ZFHX3: variants seen among roughly 807,000 people sequenced by gnomAD.
ZFHX3 encodes the protein zinc finger homeobox 3.
A neutral mutation model predicts 279.1 loss-of-function variants in ZFHX3; 42 were observed. That is an observed-to-expected ratio of 0.15 (90% CI 0.12 to 0.19). ZFHX3 has a LOEUF of 0.19. Among genes scored for constraint, ZFHX3 ranks in the 10% least tolerant of loss-of-function variants. The pLI is 1.00. For missense variants in ZFHX3, 4,981 were observed against 4,754.0 expected, an observed-to-expected ratio of 1.05 and a Z score of -1.40; for synonymous variants, 2,293 against 1,957.8, an observed-to-expected ratio of 1.17 and a Z score of -4.52.
chr16:72,994,484 C>G (rs1335285459), intron 1 of ZFHX3, among the ~76,000 whole-genome samples: 3 of 152,194 alleles, frequency 2.0e-5, no homozygotes, highest in African/African-American at 7.2e-5. Flanking sequence ...ACCAATGGGA[C>G]TTAGAGTGCA....
At chr16:72,842,120 G>A (rs1168493278) in intron 4 of ZFHX3, among the ~76,000 whole-genome samples, 1 of 152,214 alleles carries the variant, frequency 6.6e-6, no homozygotes, top group Non-Finnish European at 1.5e-5. Flanking sequence ...TGTACACACT[G>A]CAGTTGGCGG....
intron 1 of ZFHX3, among the ~76,000 whole-genome samples, chr16:73,722,684 A>G (rs1300605657): frequency 6.6e-6 from 1 of 152,224 alleles, no homozygotes; most frequent in Admixed American, 6.5e-5. Context: ...GATATAAACC[A>G]TGACACATTT....
At chr16:73,156,484 C>T (rs1967088352) in intron 5 of ZFHX3, among the ~76,000 whole-genome samples, 1 of 152,200 alleles carries the variant, frequency 6.6e-6, no homozygotes, top group Non-Finnish European at 1.5e-5. Context: ...AAGAAGACAT[C>T]TCCCAAACAG....
chr16:72,887,041 A>C (rs2038643779), intron 4 of ZFHX3, among the ~76,000 whole-genome samples: 1 of 152,252 alleles, frequency 6.6e-6, no homozygotes, highest in South Asian at 2.1e-4. Context: ...CCCTTTCCTG[A>C]ACAAACAATT....
intron 4 of ZFHX3, among the ~76,000 whole-genome samples, chr16:72,873,529 G>C (rs1418068429): frequency 6.6e-6 from 1 of 152,080 alleles, no homozygotes; most frequent in Non-Finnish European, 1.5e-5. Flanking sequence ...TTATCACTAC[G>C]TGTTTATAGA....
At chr16:73,635,216 T>C (rs1203750677) in intron 2 of ZFHX3, among the ~76,000 whole-genome samples, 1 of 152,186 alleles carries the variant, frequency 6.6e-6, no homozygotes, top group Non-Finnish European at 1.5e-5. Context: ...ATGGTATAAT[T>C]ACAAAGGGAA....
chr16:73,688,729 T>C (rs946387668), intron 1 of ZFHX3, among the ~76,000 whole-genome samples: 8 of 152,190 alleles, frequency 5.3e-5, no homozygotes, highest in Non-Finnish European at 7.3e-5. Context: ...TCATCTTGAA[T>C]TGCAGCCCCC....
chr16:73,505,416 AC>A, intron 2 of ZFHX3, among the ~76,000 whole-genome samples: 1 of 151,674 alleles, frequency 6.6e-6, no homozygotes, highest in South Asian at 2.1e-4. Context: ...CTTTCCCCCT[AC>A]CCCCTTCAAT....
At chr16:72,789,130 C>G (rs2035592410) in intron 9 of ZFHX3, 1 of 351,372 alleles carries the variant, frequency 2.8e-6, no homozygotes, top group African/African-American at 2.1e-5. Context: ...ACCTTGTATT[C>G]TAATGAGGAC....
chr16:73,347,029 A>T (rs1246181875), intron 3 of ZFHX3, among the ~76,000 whole-genome samples: 1 of 152,234 alleles, frequency 6.6e-6, no homozygotes, highest in East Asian at 1.9e-4. Flanking sequence ...CCATAAAATA[A>T]CCAGCAAGGA....
At chr16:73,256,802 G>A (rs943003529) in intron 5 of ZFHX3, among the ~76,000 whole-genome samples, 26 of 152,108 alleles carry the variant, frequency 1.7e-4, no homozygotes, top group African/African-American at 5.3e-4. Flanking sequence ...TAATCATAGT[G>A]CCCTTTGTAC....
chr16:73,216,719 C>T (rs561184197), intron 5 of ZFHX3, among the ~76,000 whole-genome samples: 6 of 151,828 alleles, frequency 4.0e-5, no homozygotes, highest in African/African-American at 7.3e-5. Flanking sequence ...GCTGAGATCG[C>T]GCCACTGCAC....
At chr16:73,451,001 C>T (rs572712563) in intron 3 of ZFHX3, among the ~76,000 whole-genome samples, 7 of 152,286 alleles carry the variant, frequency 4.6e-5, no homozygotes, top group South Asian at 2.1e-4. Context: ...AATGGGAAGA[C>T]GGATCTTTAA....
intron 3 of ZFHX3, among the ~76,000 whole-genome samples, chr16:73,416,592 G>T (rs1053672192): frequency 1.3e-5 from 2 of 152,186 alleles, no homozygotes; most frequent in African/African-American, 4.8e-5. Context: ...TTGAGAAGTC[G>T]GCCGGACGCG....
intron 2 of ZFHX3, among the ~76,000 whole-genome samples, chr16:73,543,689 A>AT (rs1158664592): frequency 6.6e-6 from 1 of 151,178 alleles, no homozygotes; most frequent in Non-Finnish European, 1.5e-5. Context: ...TTTCTTTTCC[A>AT]TTTTTTTCCT....
intron 5 of ZFHX3, among the ~76,000 whole-genome samples, chr16:73,221,094 G>T (rs1352033673): frequency 6.6e-6 from 1 of 152,134 alleles, no homozygotes; most frequent in Admixed American, 6.5e-5. Flanking sequence ...GGGAAGCATA[G>T]CATAACCGTA....
At chr16:73,278,590 T>C (rs12103166) in intron 4 of ZFHX3, among the ~76,000 whole-genome samples, 5,856 of 152,320 alleles carry the variant, frequency 0.038, 380 homozygotes, top group African/African-American at 0.13. Context: ...TAGGAGGTGC[T>C]GGCTGGGGTG....
At chr16:73,355,027 C>T (rs1450158947) in intron 3 of ZFHX3, among the ~76,000 whole-genome samples, 1 of 152,134 alleles carries the variant, frequency 6.6e-6, no homozygotes, top group Non-Finnish European at 1.5e-5. Flanking sequence ...GAGAAAGAAA[C>T]AAAAACTAAA....
At chr16:73,731,059 A>C (rs1399430580) in intron 1 of ZFHX3, among the ~76,000 whole-genome samples, 1 of 152,248 alleles carries the variant, frequency 6.6e-6, no homozygotes, top group Non-Finnish European at 1.5e-5. Flanking sequence ...GGATAAAAAA[A>C]GGTTTCTTTG....
Sources: gnomAD v4.1 joint callset for allele counts (sites outside exome capture counted in the v4.1 genomes callset) on GRCh38, gnomAD v4.1.1 for gene constraint, MANE v1.5 for transcripts, NCBI Gene and HGNC (gene_info 2026-07-23, HGNC 2026-07-21) for gene names.